The following ARHGAP10 variants were observed in gnomAD, a reference collection of about 807,000 sequenced individuals.
ARHGAP10 encodes the protein rho GTPase-activating protein 10.
Under a neutral mutation model 108.6 loss-of-function variants are expected in ARHGAP10, and 87 were observed. The ratio of observed to expected loss-of-function variants is 0.80; its 90% confidence interval spans 0.67 to 0.96. The LOEUF is 0.96. Ranked by LOEUF, ARHGAP10 falls within the 40% of genes least tolerant of loss-of-function variation. The pLI is 0.00. For synonymous variants in ARHGAP10, 347 were observed against 341.1 expected (o/e 1.02, Z -0.19); for missense variants, 939 against 954.5 (o/e 0.98, Z 0.21).
intron 1 of ARHGAP10, among the ~76,000 whole-genome samples, chr4:147,783,771 AT>A (rs1351551744): frequency 6.9e-6 from 1 of 144,394 alleles, no homozygotes; most frequent in Admixed American, 7.2e-5. Flanking sequence ...AAATTATTAT[AT>A]TTATATAACA....
In ARHGAP10 at chr4:148,031,197, A is replaced by T. The variant is rs189606453; in HGVS notation, c.1867+7784A>T. On this transcript the variant is annotated intron_variant, in intron 19 of 22. Coordinates refer to ENST00000336498, the MANE Select transcript of ARHGAP10 (RefSeq NM_024605.4). ...TTATTTTTAAAGAGAAATAGTGATT[A>T]TTTAAGTCTGTTTATTATCTTGGCT... Among the ~76,000 whole-genome samples the T allele has an allele frequency of 2.6e-5, 4 of 152,310 alleles. 1 individual carries two copies. The East Asian group carries it at 7.7e-4, about 29-fold the overall frequency.
Position 148,045,920 on chromosome 4 carries a change from A to G in ARHGAP10, c.1868-972A>G, listed in dbSNP as rs28544401. Among the ~76,000 whole-genome samples the G allele has an allele frequency of 7.8e-3, 1,192 of 152,256 alleles. 15 individuals are homozygous for G. The highest frequency in any genetic ancestry group is 0.027 in the African/African-American group (1,138 of 41,548). Reference sequence around the variant, plus strand: ...GGTTATGGACCTCTATGTGTGTCACATTTGCTTCCATAGCAGTTTAGGACC... The same window carrying G: ...GGTTATGGACCTCTATGTGTGTCACGTTTGCTTCCATAGCAGTTTAGGACC... On this transcript the variant is annotated intron_variant, in intron 19 of 22. Transcript: ENST00000336498.
At chr4:147,773,007 C>T (rs1231998677) in intron 1 of ARHGAP10, among the ~76,000 whole-genome samples, 1 of 152,112 alleles carries the variant, frequency 6.6e-6, no homozygotes, top group African/African-American at 2.4e-5. Context: ...GGAACTCCTG[C>T]ATTCCAGAGT....
chr4:147,860,379 T>G (rs1344013591), intron 5 of ARHGAP10, among the ~76,000 whole-genome samples: 2 of 152,098 alleles, frequency 1.3e-5, no homozygotes, highest in African/African-American at 2.4e-5. Context: ...GAGGTGGAGC[T>G]TGCAGTGAGC....
At chr4:147,873,711 C>CACACACACACACACAT (rs1734940699) in intron 7 of ARHGAP10, among the ~76,000 whole-genome samples, 1 of 150,674 alleles carries the variant, frequency 6.6e-6, no homozygotes, top group Non-Finnish European at 1.5e-5. Flanking sequence ...CACACACACA[C>CACACACACACACACAT]ACACACACAC....
At chr4:147,946,545 T>C (rs1343272802) in intron 14 of ARHGAP10, 72 bp from the exon 15 acceptor site, 1 of 1,317,442 alleles carries the variant, frequency 7.6e-7, no homozygotes, top group South Asian at 1.3e-5. Flanking sequence ...AATGGAAGCT[T>C]TGTGAGCTAG....
At chr4:147,879,791 G>GT (rs1304563266) in intron 9 of ARHGAP10, among the ~76,000 whole-genome samples, 2 of 152,048 alleles carry the variant, frequency 1.3e-5, no homozygotes, top group Non-Finnish European at 2.9e-5. Flanking sequence ...AGAATATGTG[G>GT]TTTTAACCAC....
intron 13 of ARHGAP10, among the ~76,000 whole-genome samples, chr4:147,924,042 C>CT (rs1314559103): frequency 7.9e-5 from 12 of 152,182 alleles, no homozygotes; most frequent in Non-Finnish European, 2.9e-5. Context: ...AGAGGACAGT[C>CT]TTCTGTGGGA....
chr4:147,984,254 G>A (rs181669150), intron 18 of ARHGAP10, among the ~76,000 whole-genome samples: 2 of 152,308 alleles, frequency 1.3e-5, no homozygotes, highest in Admixed American at 1.3e-4. Flanking sequence ...CCCTCCCCCA[G>A]TACACATTCG....
intron 1 of ARHGAP10, among the ~76,000 whole-genome samples, chr4:147,755,837 CTG>C (rs1366412865): frequency 1.3e-5 from 2 of 152,016 alleles, no homozygotes; most frequent in African/African-American, 2.4e-5. Context: ...GAGTCAGCCT[CTG>C]TGGCTGTTTG....
At chr4:147,985,571 T>C (rs908177655) in intron 18 of ARHGAP10, among the ~76,000 whole-genome samples, 1 of 152,220 alleles carries the variant, frequency 6.6e-6, no homozygotes, top group Non-Finnish European at 1.5e-5. Flanking sequence ...TCTATATTTG[T>C]TGCTCAGTTT....
intron 13 of ARHGAP10, among the ~76,000 whole-genome samples, chr4:147,923,922 TGAA>T (rs888228559): frequency 1.3e-5 from 2 of 152,170 alleles, no homozygotes; most frequent in Admixed American, 6.5e-5. Context: ...CCAAGGGCAA[TGAA>T]GAAAATAAAG....
intron 1 of ARHGAP10, among the ~76,000 whole-genome samples, chr4:147,800,737 G>A (rs191984658): frequency 6.6e-6 from 1 of 152,068 alleles, no homozygotes; most frequent in African/African-American, 2.4e-5. Context: ...TATTTCCAGG[G>A]TTTATAGCGC....
At chr4:147,902,925 G>A (rs1482148376) in intron 10 of ARHGAP10, among the ~76,000 whole-genome samples, 2 of 151,514 alleles carry the variant, frequency 1.3e-5, no homozygotes, top group Non-Finnish European at 2.9e-5. Flanking sequence ...AGGGGAGGGC[G>A]GGGGTGTGTG....
chr4:147,869,998 TTG>T (rs1553958575), intron 7 of ARHGAP10, among the ~76,000 whole-genome samples: 6 of 93,068 alleles, frequency 6.4e-5, no homozygotes, highest in African/African-American at 2.6e-4. Flanking sequence ...AAGTCCCAGT[TTG>T]TGTGTGTGTG....
In ARHGAP10 at chr4:147,964,217, T is replaced by G. The variant is rs187279685; in HGVS notation, c.1451-807T>G. ...CCTTACGCTACAGGCTGTACTCTCCTGCCCTTGTCACTTCAGTTCCGAGTA... is the reference window on the plus strand; with the variant it reads ...CCTTACGCTACAGGCTGTACTCTCCGGCCCTTGTCACTTCAGTTCCGAGTA... On this transcript the variant is annotated intron_variant, in intron 16 of 22. Coordinates refer to ENST00000336498, the MANE Select transcript of ARHGAP10 (RefSeq NM_024605.4). 7.3e-3 allele frequency among the ~76,000 whole-genome samples: 1,112 copies of G among 152,312 alleles called. 19 individuals carry two copies. The highest frequency in any genetic ancestry group is 0.026 in the African/African-American group (1,073 of 41,562).
intron 10 of ARHGAP10, among the ~76,000 whole-genome samples, chr4:147,882,296 A>G (rs1735357971): frequency 1.3e-5 from 2 of 152,028 alleles, no homozygotes; most frequent in Admixed American, 1.3e-4. Context: ...CTCTGTCTCT[A>G]CTAAAAAGAC....
At chr4:147,893,730 A>AATGATGATC (rs1735880888) in intron 10 of ARHGAP10, among the ~76,000 whole-genome samples, 1 of 152,026 alleles carries the variant, frequency 6.6e-6, no homozygotes, top group South Asian at 2.1e-4. Flanking sequence ...TGATTTGTTC[A>AATGATGATC]ATGATGATCA....
rs184622874 is a variant in ARHGAP10 at position 148,002,828 on chromosome 4, T to C, written c.1717-20435T>C. Among the ~76,000 whole-genome samples the C allele has an allele frequency of 5.8e-3, 885 of 152,254 alleles. 7 individuals carry two copies. Among genetic ancestry groups the C allele is most frequent in the African/African-American group, 0.02 (841 of 41,542 alleles). ...TTTTCTTCTTTATTAGTCTTGCTAG[T>C]GGTCTATCAATTTTGTTGATCTTTT... On this transcript the variant is annotated intron_variant, in intron 18 of 22. Coordinates refer to ENST00000336498, the MANE Select transcript of ARHGAP10 (RefSeq NM_024605.4).
Sources: gnomAD v4.1 joint callset for allele counts (sites outside exome capture counted in the v4.1 genomes callset) on GRCh38, gnomAD v4.1.1 for gene constraint, MANE v1.5 for transcripts, NCBI Gene and HGNC (gene_info 2026-07-23, HGNC 2026-07-21) for gene names.